The following SCARF1 variants were observed in gnomAD, a reference collection of about 807,000 sequenced individuals.
SCARF1 encodes the protein scavenger receptor class F member 1, also known as acetyl LDL receptor.
A neutral mutation model predicts 76.3 loss-of-function variants in SCARF1; 49 were observed. That is an observed-to-expected ratio of 0.64 (90% confidence interval 0.51 to 0.81). The LOEUF is 0.81. SCARF1 is among the 40% of genes least tolerant of loss of function. The pLI, the probability that SCARF1 is intolerant of heterozygous loss-of-function variation, is 0.00. For missense variants in SCARF1, 1,098 were observed against 1,143.9 expected, an observed-to-expected ratio of 0.96 and a Z score of 0.58; for synonymous variants, 495 against 474.6, an observed-to-expected ratio of 1.04 and a Z score of -0.56.
Position 1,642,412 on chromosome 17 carries a change from C to A in SCARF1, c.791+1030G>T, listed in dbSNP as rs149459681. Among the ~76,000 whole-genome samples the A allele has an allele frequency of 3.5e-4, 51 of 146,972 alleles. No individual in the cohort carries two copies. In the East Asian group the frequency reaches 0.01, roughly 29 times the overall value. ...ATGTGATTCCATTGTTCAACTCCCA[C>A]CTATGAGTGAGAATATGCGGTGTTT... is the stretch of plus-strand genomic sequence containing the variant. On this transcript the variant is annotated intron_variant, in intron 4 of 10. Coordinates refer to ENST00000263071, the MANE Select transcript of SCARF1 (RefSeq NM_003693.4).
At chr17:1,643,080 C>A (rs899025115) in intron 4 of SCARF1, among the ~76,000 whole-genome samples, 1 of 151,922 alleles carries the variant, frequency 6.6e-6, no homozygotes, top group Admixed American at 6.6e-5. Context: ...CTCCTCCCGG[C>A]GCCCCGCCGC....
rs1910365298 is a variant in SCARF1 at position 1,644,633 on chromosome 17, T to TGGGTAAAAACCCG, written c.265+188_265+200dup. On this transcript the variant is annotated intron_variant, in intron 3 of 10. Transcript: ENST00000263071. The surrounding 1 kb of genome is among the most constrained non-coding windows in gnomAD (Gnocchi z 4.8). ...TCAGGTGGGCAGTGCTTTGTGGATG[T>TGGGTAAAAACCCG]GGGTAAAAACCCGGTGACTCAGGTC... 1 of 603,956 alleles carries TGGGTAAAAACCCG rather than the reference T, an allele frequency of 1.7e-6. No homozygotes were observed. Among genetic ancestry groups the TGGGTAAAAACCCG allele is most frequent in the South Asian group, 2.0e-5 (1 of 51,090 alleles). 37.4% of individuals were successfully genotyped at this position (603,956 alleles called of 1,614,324 possible).
intron 8 of SCARF1, 68 bp from the exon 9 acceptor site, chr17:1,637,130 G>T: frequency 4.5e-6 from 7 of 1,541,618 alleles, no homozygotes; most frequent in Non-Finnish European, 6.2e-6. Flanking sequence ...ACCTTGGCAG[G>T]GTGTGACAGG....
Position 1,634,284 on chromosome 17 carries a change from G to A in SCARF1, c.*474C>T, listed in dbSNP as rs529394993. 19 of 216,266 alleles carry A rather than the reference G, an allele frequency of 8.8e-5. No homozygotes were observed. The highest frequency in any genetic ancestry group is 4.3e-4 in the African/African-American group (19 of 43,868). The allele number at this position is 216,266 out of a possible 1,614,324, so 13.4% of individuals were successfully genotyped here. On this transcript the variant is annotated 3_prime_UTR_variant, in exon 11 of 11. Transcript: ENST00000263071. ...GGCACCTGTAGTCCCAGCTACTCGG[G>A]AGGCTGAGGCAGGAGAAGGGCGTGA... is the stretch of plus-strand genomic sequence containing the variant.
In SCARF1 at chr17:1,636,469, C is replaced by T. The variant is rs146469110; in HGVS notation, c.1633+240G>A. 3.9e-5 allele frequency among the ~76,000 whole-genome samples: 6 copies of T among 152,176 alleles called. No homozygotes were observed. The East Asian group carries it at 9.6e-4, about 24-fold the overall frequency. On this transcript the variant is annotated intron_variant, in intron 10 of 10. Transcript: ENST00000263071. Reference sequence around the variant, plus strand: ...TCTCTACTAAAATATAAAAATTAGCCGTGTGTGGTGGTGCACGCCTGTAAT... The same window carrying T: ...TCTCTACTAAAATATAAAAATTAGCTGTGTGTGGTGGTGCACGCCTGTAAT...
intron 8 of SCARF1, chr17:1,638,317 C>T (rs890183869): frequency 2.0e-5 from 3 of 153,136 alleles, no homozygotes; most frequent in African/African-American, 7.2e-5. Context: ...TGCTAAACCA[C>T]TGCACAGACA....
chr17:1,643,695 C>G lies in SCARF1; in HGVS notation c.538G>C (p.Val180Leu). Residue 180 changes from valine to leucine, a missense_variant, in exon 4 of 11, where the codon GTG (valine) becomes CTG (leucine). Physicochemically the swap from Val to Leu is conservative, Grantham distance 32 (BLOSUM62 1). Transcript: ENST00000263071. ...ARCEQATGAC[V>L]CKPGWWGRRC... is the part of the protein sequence containing the mutation. Reference sequence around the variant, plus strand: ...CGCCCCCACCAGCCCGGCTTGCACACGCAGGCGCCCGTGGCCTGCTCGCAG... The same window carrying G: ...CGCCCCCACCAGCCCGGCTTGCACAGGCAGGCGCCCGTGGCCTGCTCGCAG... 6.9e-7 allele frequency: 1 copy of G among 1,441,950 alleles called. No individual in the cohort carries two copies. Among genetic ancestry groups the G allele is most frequent in the Non-Finnish European group, 9.0e-7 (1 of 1,105,466 alleles). 89.3% of individuals were successfully genotyped at this position (1,441,950 alleles called of 1,614,324 possible).
chr17:1,638,586 C>T, intron 8 of SCARF1: 1 of 412,494 alleles, frequency 2.4e-6, no homozygotes, highest in Non-Finnish European at 4.1e-6. Context: ...CTGCCAACTA[C>T]CTCCATCACC....
In SCARF1 at chr17:1,634,664, G is replaced by A. The variant is rs1045408824; in HGVS notation, c.*94C>T. 23 of 1,466,314 alleles carry A rather than the reference G, an allele frequency of 1.6e-5. No homozygotes were observed. The African/African-American group carries it at 3.3e-4, about 21-fold the overall frequency. The allele number at this position is 1,466,314 out of a possible 1,614,324, so 90.8% of individuals were successfully genotyped here. A position where few individuals can be genotyped will look rare whatever the true frequency, so the allele number is the denominator to read the frequency against. ...TGCCTTTTCCCTGTGGAGGCGCAGA[G>A]GCTCTGGTTTGTCTGTCCTGGCCCC... On this transcript the variant is annotated 3_prime_UTR_variant, in exon 11 of 11. Coordinates refer to ENST00000263071, the MANE Select transcript of SCARF1 (RefSeq NM_003693.4).
Position 1,639,752 on chromosome 17 carries a change from G to A in SCARF1, c.1140-10C>T, listed in dbSNP as rs1006215042. 3 of 1,606,416 alleles carry A rather than the reference G, an allele frequency of 1.9e-6. No individual in the cohort carries two copies. Among genetic ancestry groups the A allele is most frequent in the Non-Finnish European group, 2.6e-6 (3 of 1,176,360 alleles). Reference sequence around the variant, plus strand: ...GCAGGAGGCGTTGCAGCTATGGAGTGACATGGAGAGGCAGGCTGAGGGCTG... The same window carrying A: ...GCAGGAGGCGTTGCAGCTATGGAGTAACATGGAGAGGCAGGCTGAGGGCTG... On this transcript the variant is annotated splice_polypyrimidine_tract_variant and intron_variant, in intron 6 of 10. Transcript: ENST00000263071.
At chr17:1,639,583 T>A in intron 7 of SCARF1, 56 bp downstream of exon 7, 1 of 1,270,770 alleles carries the variant, frequency 7.9e-7, no homozygotes. Flanking sequence ...CTGGAGCCCA[T>A]GTGAAGGGCC....
At chr17:1,638,526 G>C in intron 8 of SCARF1, 1 of 284,014 alleles carries the variant, frequency 3.5e-6, no homozygotes, top group African/African-American at 2.2e-5. Flanking sequence ...AGGCTTCCGA[G>C]GAGGGCAGGC....
chr17:1,643,533 A>C lies in SCARF1; in HGVS notation c.700T>G (p.Ser234Ala). Residue 234 changes from serine to alanine, a missense_variant, in exon 4 of 11, where the codon TCC (serine) becomes GCC (alanine). Ser to Ala is a moderately conservative substitution (Grantham distance 99). Transcript: ENST00000263071. Reference sequence around the variant, plus strand: ...CCGGGCGGGCAGGTGCACTCGCCGGAGGCGGCGCTGCAGCGGCCCCGCACA... The same window carrying C: ...CCGGGCGGGCAGGTGCACTCGCCGGCGGCGGCGCTGCAGCGGCCCCGCACA... ...ECVRGRCSAA[S>A]GECTCPPGFR... is the part of the protein sequence containing the mutation. The C allele has an allele frequency of 7.1e-7, 1 of 1,405,568 alleles. No homozygotes were observed. Among genetic ancestry groups the C allele is most frequent in the Non-Finnish European group, 9.2e-7 (1 of 1,082,800 alleles). The allele number at this position is 1,405,568 out of a possible 1,614,324, so 87.1% of individuals were successfully genotyped here.
In SCARF1 at chr17:1,634,573, G is replaced by T; in HGVS notation, c.*185C>A. The stretch of plus-strand genomic sequence containing the variant: ...CCTGACCCCATCCTACAGGGTCTCT[G>T]CCCAGGCCTTCCTGGGCCCCTCCGG... On this transcript the variant is annotated 3_prime_UTR_variant, in exon 11 of 11. Transcript: ENST00000263071. 1 of 709,410 alleles carries T rather than the reference G, an allele frequency of 1.4e-6. No homozygotes were observed. Among genetic ancestry groups the T allele is most frequent in the Non-Finnish European group, 2.2e-6 (1 of 452,314 alleles). The allele number at this position is 709,410 out of a possible 1,614,324, so 43.9% of individuals were successfully genotyped here. A position where few individuals can be genotyped will look rare whatever the true frequency, so the allele number is the denominator to read the frequency against.
Position 1,636,757 on chromosome 17 carries a change from A to G in SCARF1, c.1585T>C (p.Ser529Pro). 4 of 1,613,984 alleles carry G rather than the reference A, an allele frequency of 2.5e-6. No individual in the cohort carries two copies. The highest frequency in any genetic ancestry group is 3.4e-6 in the Non-Finnish European group (4 of 1,179,974). Residue 529 changes from serine (S) to proline (P), a missense_variant, in exon 10 of 11, where the codon TCT becomes CCT. Coordinates refer to ENST00000263071, the MANE Select transcript of SCARF1 (RefSeq NM_003693.4). Reference protein sequence around the residue: ...TDDSFSSDPESGEADEVPAYC... With the variant: ...TDDSFSSDPEPGEADEVPAYC... ...GCAGGAACCTCATCTGCCTCTCCAG[A>G]CTCAGGATCGGATGAGAAGGAGTCA... is the stretch of plus-strand genomic sequence containing the variant.
rs372378145 is a variant in SCARF1, at chr17:1,635,384, C to T, written c.1867G>A (p.Ala623Thr). Residue 623 changes from alanine to threonine, a missense_variant, in exon 11 of 11, where the codon GCG becomes ACG. Coordinates refer to ENST00000263071, the MANE Select transcript of SCARF1 (RefSeq NM_003693.4). The stretch of plus-strand genomic sequence containing the variant: ...TCCCGGCCCTCAGGACCCGACTGCG[C>T]CCCCCGGGAGAGCCTCTTGGGCTTT... ...LRKPKRLSRG[A>T]QSGPEGREAE... 4 of 1,612,592 alleles carry T rather than the reference C, an allele frequency of 2.5e-6. No homozygotes were observed. The highest frequency in any genetic ancestry group is 2.2e-5 in the South Asian group (2 of 91,010).
Position 1,643,727 on chromosome 17 carries a change from G to C in SCARF1, c.506C>G (p.Ala169Gly). The C allele has an allele frequency of 7.5e-7, 1 of 1,329,692 alleles. No individual in the cohort carries two copies. The highest frequency in any genetic ancestry group is 9.5e-7 in the Non-Finnish European group (1 of 1,047,258). The allele number at this position is 1,329,692 out of a possible 1,614,324, so 82.4% of individuals were successfully genotyped here. A position where few individuals can be genotyped will look rare whatever the true frequency, so the allele number is the denominator to read the frequency against. ...GCCCGTGGCCTGCTCGCAGCGCGCCGCCGCGGTGTTGCACTGGCACGGGCG... is the reference window on the plus strand; with the variant it reads ...GCCCGTGGCCTGCTCGCAGCGCGCCCCCGCGGTGTTGCACTGGCACGGGCG... ...CRRPCQCNTA[A>G]ARCEQATGAC... The change falls in exon 4 of 11, where the codon GCG becomes GGG. Residue 169 changes from alanine to glycine, a missense_variant. Physicochemically the swap from Ala to Gly is moderately conservative, Grantham distance 60. Transcript: ENST00000263071.
intron 4 of SCARF1, among the ~76,000 whole-genome samples, chr17:1,642,276 T>C (rs1464177429): frequency 6.6e-6 from 1 of 152,026 alleles, no homozygotes; most frequent in Non-Finnish European, 1.5e-5. Context: ...GTTGGTGTGC[T>C]GCACCCACTA....
At position 1,645,600 on chromosome 17, in the gene SCARF1, C is replaced by T; in HGVS notation, c.98G>A (p.Ser33Asn). The change falls in exon 1 of 11, where the codon AGC becomes AAC. Residue 33 changes from serine (S) to asparagine (N), a missense_variant. Transcript: ENST00000263071. The surrounding 1 kb of genome is among the most constrained non-coding windows in gnomAD (Gnocchi z 6.3). ...ATCAGACTCCCACGAGACCCACCTG[C>T]TGGCCACACAGACGTGCTGCCCTTT... ...DPKGQHVCVA[S>N]SPSAELQCCA... The T allele has an allele frequency of 6.2e-7, 1 of 1,606,092 alleles. No individual in the cohort carries two copies. The highest frequency in any genetic ancestry group is 8.5e-7 in the Non-Finnish European group (1 of 1,178,722).
Sources: allele counts gnomAD v4.1 joint callset (sites outside exome capture counted in the v4.1 genomes callset), GRCh38; gene constraint gnomAD v4.1.1; non-coding constraint Gnocchi (gnomAD v3.1); transcripts MANE v1.5; gene names NCBI Gene and HGNC (gene_info 2026-07-23, HGNC 2026-07-21).